Variants in ACOT7 observed in about 807,000 individuals in gnomAD.
ACOT7 encodes acyl-CoA thioesterase 7, also known as cytosolic acyl coenzyme A thioester hydrolase.
ACOT7 carries 12 observed loss-of-function variants against 40.2 expected under a neutral mutation model. That is an observed-to-expected ratio of 0.30 (90% confidence interval 0.19 to 0.48). The LOEUF (loss-of-function observed/expected upper bound fraction) is 0.48, where lower values mean the gene tolerates loss of function less well. Ranked by LOEUF, ACOT7 falls within the 20% of genes least tolerant of loss-of-function variation. The pLI is 0.99. For synonymous variants in ACOT7, 228 were observed against 219.5 expected (o/e 1.04, Z -0.34); for missense variants, 395 against 530.8 (o/e 0.74, Z 2.51).
Position 6,301,961 on chromosome 1 carries a change from C to T in ACOT7, c.713-6981G>A, listed in dbSNP as rs1639985432. Reference sequence around the variant, plus strand: ...GATCAGCGGCAGACCTGCTATGAAACAACAACTTTATACTAACGATGGAAA... The same window carrying T: ...GATCAGCGGCAGACCTGCTATGAAATAACAACTTTATACTAACGATGGAAA... On this transcript the variant is annotated intron_variant, in intron 6 of 8. Coordinates refer to ENST00000361521, the MANE Select transcript of ACOT7 (RefSeq NM_007274.4). The surrounding 1 kb of genome is among the most constrained non-coding windows in gnomAD (Gnocchi z 4.1). Among the ~76,000 whole-genome samples the T allele has an allele frequency of 6.6e-6, 1 of 152,212 alleles. No individual in the cohort carries two copies. Among genetic ancestry groups the T allele is most frequent in the Admixed American group, 6.5e-5 (1 of 15,286 alleles).
At chr1:6,335,283 C>T (rs1439849507) in intron 3 of ACOT7, among the ~76,000 whole-genome samples, 2 of 139,120 alleles carry the variant, frequency 1.4e-5, no homozygotes, top group African/African-American at 2.7e-5. Flanking sequence ...GCCGAGATGG[C>T]GCCATTGCAC....
At chr1:6,266,046 A>C (rs1450044465) in intron 8 of ACOT7, among the ~76,000 whole-genome samples, 5 of 152,162 alleles carry the variant, frequency 3.3e-5, no homozygotes, top group African/African-American at 1.2e-4. Flanking sequence ...CGGGTATTTA[A>C]AGAAATAGGT....
At chr1:6,327,697 T>C (rs1464515323) in intron 4 of ACOT7, among the ~76,000 whole-genome samples, 3 of 152,246 alleles carry the variant, frequency 2.0e-5, no homozygotes, top group African/African-American at 7.2e-5. Context: ...TATGTGGAGC[T>C]TAAAAGCAAC....
intron 1 of ACOT7, among the ~76,000 whole-genome samples, chr1:6,353,353 T>C (rs1316008750): frequency 6.7e-6 from 1 of 148,874 alleles, no homozygotes. Flanking sequence ...ATTTGGCTGC[T>C]GGGCGCGGTG....
rs2148444753 is a variant in ACOT7 at position 6,339,537 on chromosome 1, G to A, written c.314C>T (p.Pro105Leu). Residue 105 changes from proline to leucine, a missense_variant, in exon 3 of 9, where the codon CCC becomes CTC. Pro to Leu is a moderately conservative substitution (Grantham distance 98). This residue lies in a region of ACOT7 where 309 missense variants were observed against 470.3 expected (regional missense o/e 0.66). Coordinates refer to ENST00000361521, the MANE Select transcript of ACOT7 (RefSeq NM_007274.4). ...ATGCGCCACCTCACCGATGCACATG[G>A]GAGACAGGAAGTCGGTGCGCTCGAC... Reference protein sequence around the residue: ...ARVERTDFLSPMCIGEVAHVS... With the variant: ...ARVERTDFLSLMCIGEVAHVS... 6.2e-7 allele frequency: 1 copy of A among 1,613,642 alleles called. No individual in the cohort carries two copies. Among genetic ancestry groups the A allele is most frequent in the South Asian group, 1.1e-5 (1 of 91,086 alleles).
At chr1:6,304,392 TC>T (rs1333662105) in intron 6 of ACOT7, among the ~76,000 whole-genome samples, 86 of 136,468 alleles carry the variant, frequency 6.3e-4, no homozygotes, top group African/African-American at 2.4e-3. Flanking sequence ...AAAAGTACGT[TC>T]TTTTTTTTTT....
chr1:6,360,551 C>G (rs1571342461), intron 1 of ACOT7: 1 of 1,614,032 alleles, frequency 6.2e-7, no homozygotes, highest in Non-Finnish European at 8.5e-7. Context: ...CCCATAGTTC[C>G]TCTCAGCTCC....
chr1:6,372,910 TA>T (rs1642158694), intron 1 of ACOT7, among the ~76,000 whole-genome samples: 1 of 151,962 alleles, frequency 6.6e-6, no homozygotes, highest in Non-Finnish European at 1.5e-5. Context: ...ACACTAGAGG[TA>T]GGGTATTAAT....
At chr1:6,283,388 C>G (rs979643786) in intron 7 of ACOT7, among the ~76,000 whole-genome samples, 1 of 152,170 alleles carries the variant, frequency 6.6e-6, no homozygotes, top group African/African-American at 2.4e-5. Context: ...TCTAGAACTC[C>G]TGGCCTCAAG....
intron 8 of ACOT7, among the ~76,000 whole-genome samples, chr1:6,272,614 G>A (rs971259088): frequency 1.3e-5 from 2 of 152,174 alleles, no homozygotes; most frequent in African/African-American, 2.4e-5. Flanking sequence ...TTGCTTGCAG[G>A]GCTCAAGATG....
At chr1:6,350,355 A>T (rs555157838) in intron 1 of ACOT7, among the ~76,000 whole-genome samples, 62 of 152,318 alleles carry the variant, frequency 4.1e-4, no homozygotes, top group African/African-American at 1.5e-3. Context: ...TCAAGACCCC[A>T]GGCCCTGTCA....
At position 6,275,678 on chromosome 1, in the gene ACOT7, T is replaced by C. The variant is rs1007067421; in HGVS notation, c.1014+5424A>G. On this transcript the variant is annotated intron_variant, in intron 8 of 8. Coordinates refer to ENST00000361521, the MANE Select transcript of ACOT7 (RefSeq NM_007274.4). The surrounding 1 kb of genome is among the most constrained non-coding windows in gnomAD (Gnocchi z 5.6). ...GTTGCAGTGAGCCGAGATCCAGCCA[T>C]TGCACTCCAGGTTGGGCGACAGAGT... Among the ~76,000 whole-genome samples the C allele has an allele frequency of 3.5e-5, 5 of 144,674 alleles. No individual in the cohort carries two copies. The highest frequency in any genetic ancestry group is 1.3e-4 in the African/African-American group (5 of 37,998). The allele number at this position is 144,674 out of a possible 152,430, so 94.9% of individuals were successfully genotyped here. A position where few individuals can be genotyped will look rare whatever the true frequency, so the allele number is the denominator to read the frequency against.
chr1:6,337,496 G>A (rs573929215), intron 3 of ACOT7, among the ~76,000 whole-genome samples: 149 of 152,302 alleles, frequency 9.8e-4, no homozygotes, highest in African/African-American at 3.6e-3. Context: ...ATCCACTATC[G>A]GTTCCATATC....
At position 6,393,384 on chromosome 1, in the gene ACOT7, G is replaced by A. The variant is rs917344432; in HGVS notation, c.16C>T (p.Leu6Phe). The A allele has an allele frequency of 2.4e-6, 3 of 1,230,824 alleles. No homozygotes were observed. Among genetic ancestry groups the A allele is most frequent in the African/African-American group, 1.6e-5 (1 of 64,036 alleles). The allele number at this position is 1,230,824 out of a possible 1,614,324, so 76.2% of individuals were successfully genotyped here. The change falls in exon 1 of 9, where the codon CTC (leucine) becomes TTC (phenylalanine). Residue 6 changes from leucine (L) to phenylalanine (F), a missense_variant. Physicochemically the swap from Leu to Phe is conservative, Grantham distance 22. This residue lies in a region of ACOT7 where 86 missense variants were observed against 60.5 expected (regional missense o/e 1.42). Coordinates refer to ENST00000361521, the MANE Select transcript of ACOT7 (RefSeq NM_007274.4). ...GGCAGGCCCGGCGCGGAATGAATGA[G>A]CCCGGGCCGCGCCATAAAGGGGGAG... MARPG[L>F]IHSAPGLPDT...
At chr1:6,388,686 G>A (rs1457399796) in intron 1 of ACOT7, among the ~76,000 whole-genome samples, 1 of 143,588 alleles carries the variant, frequency 7.0e-6, no homozygotes, top group African/African-American at 2.6e-5. Flanking sequence ...GCTGCAGTGA[G>A]CCAAGATCCT....
At chr1:6,390,075 A>G (rs1419020594) in intron 1 of ACOT7, among the ~76,000 whole-genome samples, 1 of 152,190 alleles carries the variant, frequency 6.6e-6, no homozygotes, top group African/African-American at 2.4e-5. Flanking sequence ...ATCCTAGTAC[A>G]GTCACTCTCC....
At chr1:6,324,231 C>G (rs554287621) in intron 5 of ACOT7, among the ~76,000 whole-genome samples, 51 of 152,150 alleles carry the variant, frequency 3.4e-4, no homozygotes, top group African/African-American at 1.2e-3. Flanking sequence ...GTCAAAGATG[C>G]AGATGTTCAG....
intron 2 of ACOT7, among the ~76,000 whole-genome samples, chr1:6,342,441 A>G (rs983015478): frequency 2.6e-5 from 4 of 152,166 alleles, no homozygotes; most frequent in Admixed American, 2.6e-4. Context: ...TCCTTTTCAT[A>G]GCACTCCAAT....
At chr1:6,346,300 T>C (rs904698025) in intron 2 of ACOT7, among the ~76,000 whole-genome samples, 1 of 152,160 alleles carries the variant, frequency 6.6e-6, no homozygotes, top group South Asian at 2.1e-4. Context: ...CAAAGTTTCA[T>C]CATGTTGCCC....
Sources: gnomAD v4.1 joint callset for allele counts (sites outside exome capture counted in the v4.1 genomes callset) on GRCh38, gnomAD v4.1.1 for gene constraint, gnomAD v4.1.1 regional missense constraint, Gnocchi (gnomAD v3.1) non-coding constraint, MANE v1.5 for transcripts, NCBI Gene and HGNC (gene_info 2026-07-23, HGNC 2026-07-21) for gene names.